The following DPP6 variants were observed in gnomAD, a reference collection of about 807,000 sequenced individuals.
DPP6 encodes the protein A-type potassium channel modulatory protein DPP6.
Under a neutral mutation model 122.6 loss-of-function variants are expected in DPP6, and 69 were observed. The observed-to-expected ratio is 0.56, with a 90% CI of 0.46 to 0.69. DPP6 has a LOEUF of 0.69. Among genes scored for constraint, DPP6 ranks in the 30% least tolerant of loss-of-function variants. The probability of loss-of-function intolerance (pLI) is 0.00; values close to 1 mark genes in which losing one functional copy is unlikely to be tolerated. For synonymous variants in DPP6, 418 were observed against 433.1 expected (o/e 0.97, Z 0.43); for missense variants, 928 against 1,116.9 (o/e 0.83, Z 2.41).
chr7:154,716,729 C>T (rs999027366), intron 7 of DPP6, among the ~76,000 whole-genome samples: 1 of 146,992 alleles, frequency 6.8e-6, no homozygotes, highest in Non-Finnish European at 1.5e-5. Flanking sequence ...CAAGATAGCT[C>T]AATATATTAT....
intron 1 of DPP6, among the ~76,000 whole-genome samples, chr7:154,325,764 G>T: frequency 6.6e-6 from 1 of 152,190 alleles, no homozygotes; most frequent in East Asian, 1.9e-4. Flanking sequence ...TTAATAATCA[G>T]AGGGAAGACA....
At chr7:154,532,469 A>G (rs1035530666) in intron 3 of DPP6, among the ~76,000 whole-genome samples, 5 of 152,112 alleles carry the variant, frequency 3.3e-5, no homozygotes, top group African/African-American at 1.2e-4. Flanking sequence ...AAGCAAAAAG[A>G]AGGAAGGAAT....
chr7:154,573,327 G>A (rs911691506), intron 5 of DPP6, among the ~76,000 whole-genome samples: 4 of 152,160 alleles, frequency 2.6e-5, no homozygotes, highest in Admixed American at 6.5e-5. Flanking sequence ...CAGGGCCTGC[G>A]TGTGCCATTT....
At position 154,592,285 on chromosome 7, in the gene DPP6, GGAA is replaced by G. The variant is rs149625488; in HGVS notation, c.627+25382_627+25384del. ...TCTTGACTCAGGGAGAGAAGGAAAT[GGAA>G]GAAGAAGAAGAAAGAAGATGCATTT... On this transcript the variant is annotated intron_variant, in intron 5 of 25. Coordinates refer to ENST00000377770, the MANE Select transcript of DPP6 (RefSeq NM_130797.4). 2.0e-3 allele frequency among the ~76,000 whole-genome samples: 307 copies of G among 152,278 alleles called. 1 individual carries two copies. Among genetic ancestry groups the G allele is most frequent in the Middle Eastern group, 6.8e-3 (2 of 294 alleles).
intron 1 of DPP6, among the ~76,000 whole-genome samples, chr7:154,218,449 T>C (rs1800125751): frequency 6.6e-6 from 1 of 152,218 alleles, no homozygotes; most frequent in Non-Finnish European, 1.5e-5. Context: ...CCTGCACATG[T>C]CGTTGTCACC....
intron 1 of DPP6, among the ~76,000 whole-genome samples, chr7:154,127,674 C>CACACACACACACACACACAT (rs1244574560): frequency 1.4e-5 from 2 of 148,038 alleles, no homozygotes; most frequent in African/African-American, 5.0e-5. Context: ...CACACACACA[C>CACACACACACACACACACAT]ACAAAACAGC....
chr7:153,991,955 G>A (rs1156636652), intron 1 of DPP6, among the ~76,000 whole-genome samples: 1 of 151,988 alleles, frequency 6.6e-6, no homozygotes. Context: ...GGTCTGGAAA[G>A]TCTGAGGTCG....
rs552767398 is a variant in DPP6, at chr7:154,112,266, G to A, written c.243+59203G>A. Among the ~76,000 whole-genome samples the A allele has an allele frequency of 8.6e-5, 13 of 151,966 alleles. No homozygotes were observed. In the East Asian group the frequency reaches 1.7e-3, roughly 20 times the overall value. ...GTGAAAGAGAGATCAGATATCTACT[G>A]TATTTAGATCAACTATTACATTATC... is the stretch of plus-strand genomic sequence containing the variant. On this transcript the variant is annotated intron_variant, in intron 1 of 25. Transcript: ENST00000377770.
rs1324155965 is a variant in DPP6 at position 154,078,621 on chromosome 7, A to T, written c.243+25558A>T. ...TATGAAAATTAGAAACCACTGTAGG[A>T]TATAAATTAAGACTATTTGGAGGCT... On this transcript the variant is annotated intron_variant, in intron 1 of 25. Transcript: ENST00000377770. Among the ~76,000 whole-genome samples the T allele has an allele frequency of 3.9e-5, 6 of 152,308 alleles. No individual in the cohort carries two copies. In the South Asian group the frequency reaches 1.0e-3, roughly 26 times the overall value.
intron 8 of DPP6, among the ~76,000 whole-genome samples, chr7:154,757,952 C>A (rs1376999607): frequency 6.6e-6 from 1 of 152,184 alleles, no homozygotes; most frequent in Non-Finnish European, 1.5e-5. Context: ...GTGGCCCCAA[C>A]CAAGTGCCGC....
At chr7:154,751,156 G>A (rs1456666913) in intron 8 of DPP6, among the ~76,000 whole-genome samples, 1 of 152,206 alleles carries the variant, frequency 6.6e-6, no homozygotes, top group African/African-American at 2.4e-5. Context: ...GGTTGGAGAT[G>A]GGGAGCTTCT....
intron 4 of DPP6, among the ~76,000 whole-genome samples, chr7:154,551,379 G>A (rs1829623818): frequency 6.6e-6 from 1 of 152,082 alleles, no homozygotes; most frequent in Non-Finnish European, 1.5e-5. Context: ...AAATTTTTGT[G>A]CTAGACACAG....
intron 5 of DPP6, among the ~76,000 whole-genome samples, chr7:154,613,969 C>T (rs1051686113): frequency 2.6e-5 from 4 of 152,230 alleles, no homozygotes; most frequent in African/African-American, 4.8e-5. Flanking sequence ...ATCATTTCTG[C>T]TGCTTTCCGC....
rs576908179 is a variant in DPP6 at position 154,130,037 on chromosome 7, C to T, written c.243+76974C>T. The stretch of plus-strand genomic sequence containing the variant: ...GTTGCAGTGGGAGGTTGCAGTGAGC[C>T]GAGATCGCGCCATTGCACTCCAGTC... On this transcript the variant is annotated intron_variant, in intron 1 of 25. Coordinates refer to ENST00000377770, the MANE Select transcript of DPP6 (RefSeq NM_130797.4). Among the ~76,000 whole-genome samples the T allele has an allele frequency of 1.5e-3, 223 of 151,326 alleles. 5 individuals are homozygous for T. The highest frequency in any genetic ancestry group is 3.4e-4 in the Non-Finnish European group (23 of 67,876).
chr7:153,942,303 A>G (rs947927707), intron 1 of DPP6, among the ~76,000 whole-genome samples: 4 of 152,164 alleles, frequency 2.6e-5, no homozygotes, highest in Non-Finnish European at 5.9e-5. Context: ...ACTTACAAGA[A>G]TTTGCATTTA....
chr7:153,770,115 C>T, the DPP6 span, among the ~76,000 whole-genome samples: 8 of 152,262 alleles, frequency 5.3e-5, no homozygotes, highest in Non-Finnish European at 8.8e-5. Context: ...ATGCTGGACT[C>T]AGCCTGGACT....
In DPP6 at chr7:154,032,924, A is replaced by G. The variant is rs2907742; in HGVS notation, c.51+145190A>G. Among the ~76,000 whole-genome samples, 89 of 97,820 alleles carry G rather than the reference A, an allele frequency of 9.1e-4. 2 individuals carry two copies. The South Asian group carries it at 0.024, about 26-fold the overall frequency. The allele number at this position is 97,820 out of a possible 152,430, so 64.2% of individuals were successfully genotyped here. ...TTTCAGGTGGCTTTATATACCTGTGACTGCCTTTAAAGGTGGCTTTATATA... is the reference window on the plus strand; with the variant it reads ...TTTCAGGTGGCTTTATATACCTGTGGCTGCCTTTAAAGGTGGCTTTATATA... On this transcript the variant is annotated intron_variant, in intron 1 of 25. Transcript: ENST00000404039.
intron 1 of DPP6, among the ~76,000 whole-genome samples, chr7:153,899,147 T>C (rs1171742019): frequency 7.9e-5 from 12 of 151,662 alleles, no homozygotes; most frequent in Admixed American, 3.3e-4. Flanking sequence ...TTTCTCCTTC[T>C]CTTATTTATC....
chr7:154,239,083 A>G (rs759519898), intron 1 of DPP6, among the ~76,000 whole-genome samples: 3 of 152,250 alleles, frequency 2.0e-5, no homozygotes, highest in Non-Finnish European at 2.9e-5. Flanking sequence ...GCATTTTGCT[A>G]GCAAGCTCCA....
Sources: gnomAD v4.1 joint callset for allele counts (sites outside exome capture counted in the v4.1 genomes callset) on GRCh38, gnomAD v4.1.1 for gene constraint, MANE v1.5 for transcripts, NCBI Gene and HGNC (gene_info 2026-07-23, HGNC 2026-07-21) for gene names.